The following SERPINB7 variants were observed in gnomAD, a reference collection of about 807,000 sequenced individuals.
SERPINB7 encodes the protein serpin B7.
SERPINB7 carries 31 observed loss-of-function variants against 37.4 expected under a neutral mutation model. That is an observed-to-expected ratio of 0.83 (90% CI 0.62 to 1.12). The LOEUF (loss-of-function observed/expected upper bound fraction) is 1.12, where lower values mean the gene tolerates loss of function less well. SERPINB7 is among the 50% of genes most tolerant of loss of function. The probability of loss-of-function intolerance (pLI) is 0.00; values close to 1 mark genes in which losing one functional copy is unlikely to be tolerated. For missense variants in SERPINB7, 521 were observed against 455.3 expected (o/e 1.14, Z -1.31); for synonymous variants, 163 against 166.1 (o/e 0.98, Z 0.14).
intron 2 of SERPINB7, among the ~76,000 whole-genome samples, 189 bp downstream of exon 2, chr18:63,782,729 A>T (rs941505251): frequency 4.6e-5 from 7 of 152,224 alleles, no homozygotes; most frequent in African/African-American, 1.7e-4. Flanking sequence ...TTTTGAGCCA[A>T]GAGGCAGCAG....
At chr18:63,782,820 A>T (rs1456904927) in intron 2 of SERPINB7, among the ~76,000 whole-genome samples, 1 of 152,160 alleles carries the variant, frequency 6.6e-6, no homozygotes, top group Non-Finnish European at 1.5e-5. Context: ...CAGGATCATC[A>T]GCACCGCCTG....
intron 1 of SERPINB7, among the ~76,000 whole-genome samples, chr18:63,779,132 T>G (rs1419588481): frequency 6.6e-6 from 1 of 152,176 alleles, no homozygotes; most frequent in Admixed American, 6.5e-5. Flanking sequence ...ATTTCCTTAG[T>G]TATTTAACTG....
rs79033487 is a variant in SERPINB7, at chr18:63,765,018, A to G, written c.-19+11898A>G. Among the ~76,000 whole-genome samples, 173 of 152,316 alleles carry G rather than the reference A, an allele frequency of 1.1e-3. 1 individual carries two copies. The highest frequency in any genetic ancestry group is 4.0e-3 in the African/African-American group (167 of 41,582). On this transcript the variant is annotated intron_variant, in intron 1 of 7. Coordinates refer to the SERPINB7 transcript ENST00000336429. ...TTAAAATTATCAACAGAAATTTAAA[A>G]GACCATAAACAAATTGCAGAATTTG...
chr18:63,795,269 A>C (rs1343624325), intron 4 of SERPINB7, among the ~76,000 whole-genome samples: 2 of 152,202 alleles, frequency 1.3e-5, no homozygotes, highest in African/African-American at 4.8e-5. Flanking sequence ...CTGTTAGGAA[A>C]TGTAGGTGGG....
intron 4 of SERPINB7, 107 bp downstream of exon 4, chr18:63,793,384 C>A: frequency 1.8e-6 from 1 of 552,586 alleles, no homozygotes; most frequent in Non-Finnish European, 3.2e-6. Flanking sequence ...TTTTGTTTCT[C>A]ATTGCTACTT....
chr18:63,783,232 G>GAAAGAAAGAAAGAAAGAAAGA (rs1555694190), intron 2 of SERPINB7, among the ~76,000 whole-genome samples: 6 of 40,760 alleles, frequency 1.5e-4, no homozygotes, highest in African/African-American at 7.2e-4. Flanking sequence ...GAGAGAGAGA[G>GAAAGAAAGAAAGAAAGAAAGA]AGAAAGAAAG....
rs1447064456 is a variant in SERPINB7, at chr18:63,775,704, A to G, written c.-31A>G. 6.6e-6 allele frequency: 1 copy of G among 152,190 alleles called. No individual in the cohort carries two copies. The highest frequency in any genetic ancestry group is 2.4e-5 in the African/African-American group (1 of 41,454). The allele number at this position is 152,190 out of a possible 1,614,324, so 9.4% of individuals were successfully genotyped here. A position where few individuals can be genotyped will look rare whatever the true frequency, so the allele number is the denominator to read the frequency against. ...CAGATTCCCATCACTGCTTCTGGGT[A>G]TCAGATGCTAGCGTGAGTACACTGT... On this transcript the variant is annotated 5_prime_UTR_variant, in exon 1 of 8. Transcript: ENST00000398019.
intron 4 of SERPINB7, 63 bp downstream of exon 4, chr18:63,793,340 G>T: frequency 1.2e-6 from 1 of 852,394 alleles, no homozygotes. Context: ...CTGAACAAAG[G>T]CTTGTGTCTT....
chr18:63,803,065 A>G (rs1430965062), intron 7 of SERPINB7, among the ~76,000 whole-genome samples: 1 of 152,224 alleles, frequency 6.6e-6, no homozygotes, highest in Non-Finnish European at 1.5e-5. Context: ...AGATAAAGCA[A>G]GCTAACAATA....
At chr18:63,799,991 T>A (rs78891705) in intron 6 of SERPINB7, among the ~76,000 whole-genome samples, 5,880 of 152,270 alleles carry the variant, frequency 0.039, 153 homozygotes, top group African/African-American at 0.076. Context: ...CCCTAGTGAA[T>A]TTGAGGGACA....
At chr18:63,774,612 A>C (rs1239685837), upstream of SERPINB7, among the ~76,000 whole-genome samples, 1 of 152,084 alleles carries the variant, frequency 6.6e-6, no homozygotes, top group Non-Finnish European at 1.5e-5. Context: ...TTCAAAGTGC[A>C]AACCCACTTT....
At chr18:63,791,228 G>A (rs189273619) in intron 2 of SERPINB7, among the ~76,000 whole-genome samples, 214 of 152,188 alleles carry the variant, frequency 1.4e-3, no homozygotes, top group African/African-American at 5.0e-3. Context: ...ACCATGGCAT[G>A]TGTATACCTA....
chr18:63,776,349 T>A (rs1598997768), intron 1 of SERPINB7, among the ~76,000 whole-genome samples: 1 of 152,186 alleles, frequency 6.6e-6, no homozygotes, highest in East Asian at 1.9e-4. Flanking sequence ...GTTATATCCG[T>A]GGCTTAGTCT....
At chr18:63,763,692 G>A (rs1166240879) in intron 1 of SERPINB7, among the ~76,000 whole-genome samples, 3 of 152,204 alleles carry the variant, frequency 2.0e-5, no homozygotes. Flanking sequence ...TGAAGTTAAA[G>A]GCTAAAGAAT....
rs138144859 is a variant in SERPINB7 at position 63,756,071 on chromosome 18, A to G, written c.-19+2951A>G. Among the ~76,000 whole-genome samples the G allele has an allele frequency of 6.2e-3, 859 of 139,160 alleles. 33 individuals are homozygous for G. The East Asian group carries it at 0.084, about 14-fold the overall frequency. The allele number at this position is 139,160 out of a possible 152,430, so 91.3% of individuals were successfully genotyped here. A position where few individuals can be genotyped will look rare whatever the true frequency, so the allele number is the denominator to read the frequency against. On this transcript the variant is annotated intron_variant, in intron 1 of 7. Coordinates refer to the SERPINB7 transcript ENST00000336429. ...CACTTACAGCATAATACAATATAATATAAATATTATATATAGGGTTTACAC... is the reference window on the plus strand; with the variant it reads ...CACTTACAGCATAATACAATATAATGTAAATATTATATATAGGGTTTACAC...
At chr18:63,768,556 G>A (rs558990878) in intron 1 of SERPINB7, among the ~76,000 whole-genome samples, 8 of 152,058 alleles carry the variant, frequency 5.3e-5, no homozygotes, top group African/African-American at 1.4e-4. Context: ...CAGTGAGTTT[G>A]TTTCATACAT....
At chr18:63,770,018 A>T (rs1173897017) in intron 1 of SERPINB7, among the ~76,000 whole-genome samples, 2 of 149,622 alleles carry the variant, frequency 1.3e-5, no homozygotes, top group East Asian at 4.0e-4. Context: ...TGCAGTCACC[A>T]TCAAAGGATG....
At chr18:63,791,668 TG>T (rs1163766939) in intron 2 of SERPINB7, among the ~76,000 whole-genome samples, 2 of 152,080 alleles carry the variant, frequency 1.3e-5, no homozygotes, top group Non-Finnish European at 2.9e-5. Flanking sequence ...TGGAGTGCAG[TG>T]GTGCTATCTC....
chr18:63,794,607 A>G (rs888160279), intron 4 of SERPINB7, among the ~76,000 whole-genome samples: 2 of 152,184 alleles, frequency 1.3e-5, no homozygotes, highest in East Asian at 1.9e-4. Flanking sequence ...GGAGAATGGC[A>G]TGAACCCAGG....
Sources: gnomAD v4.1 joint callset for allele counts (sites outside exome capture counted in the v4.1 genomes callset) on GRCh38, gnomAD v4.1.1 for gene constraint, MANE v1.5 for transcripts, NCBI Gene and HGNC (gene_info 2026-07-23, HGNC 2026-07-21) for gene names.